TTC34: variants seen among roughly 807,000 people sequenced by gnomAD.
TTC34 encodes the protein tetratricopeptide repeat domain 34, also known as tetratricopeptide repeat protein 34.
In TTC34, 44 loss-of-function variants were observed where a neutral mutation model predicts 40.7. The ratio of observed to expected loss-of-function variants is 1.08; its 90% CI spans 0.85 to 1.39. TTC34 has a LOEUF of 1.39. TTC34 is among the 40% of genes most tolerant of loss of function. The pLI is 0.00. For missense variants in TTC34, 884 were observed against 838.0 expected (o/e 1.05, Z -0.68); for synonymous variants, 422 against 398.6 (o/e 1.06, Z -0.70).
At position 2,797,395 on chromosome 1, in the gene TTC34, G is replaced by T. The variant is rs148576548; in HGVS notation, c.784+2649C>A. The stretch of plus-strand genomic sequence containing the variant: ...GGTCCTGTCTGCTCCAGGATGCCTC[G>T]TGGCCCCACTTCCTGCCTCTGTCGG... On this transcript the variant is annotated intron_variant, in intron 2 of 8. Coordinates refer to ENST00000401095, the Ensembl canonical transcript of TTC34. 1.6e-3 allele frequency among the ~76,000 whole-genome samples: 248 copies of T among 152,278 alleles called. 1 individual carries two copies. Among genetic ancestry groups the T allele is most frequent in the African/African-American group, 5.7e-3 (236 of 41,546 alleles).
chr1:2,749,517 CCCAGATT>C (rs1641248683), intron 6 of TTC34, among the ~76,000 whole-genome samples: 1 of 81,346 alleles, frequency 1.2e-5, no homozygotes. Context: ...TGGAGCAGCA[CCCAGATT>C]CCCAGGCAAG....
chr1:2,799,037 G>A (rs1423345743), intron 2 of TTC34, among the ~76,000 whole-genome samples: 4 of 145,542 alleles, frequency 2.7e-5, no homozygotes, highest in African/African-American at 7.7e-5. Flanking sequence ...CAGCCCCCTA[G>A]CCTCCCAGCC....
chr1:2,683,240 A>T (rs1437737454), intron 6 of TTC34, among the ~76,000 whole-genome samples: 1 of 145,544 alleles, frequency 6.9e-6, no homozygotes, highest in Non-Finnish European at 1.5e-5. Context: ...CCCCCAAGTG[A>T]GCATCTGATG....
At chr1:2,768,522 T>A (rs1264303052) in intron 6 of TTC34, among the ~76,000 whole-genome samples, 4 of 151,536 alleles carry the variant, frequency 2.6e-5, no homozygotes, top group African/African-American at 9.7e-5. Flanking sequence ...TCTGACAGCC[T>A]GGAACAGCAC....
chr1:2,654,186 G>C (rs1485026817), intron 6 of TTC34, among the ~76,000 whole-genome samples: 46 of 147,546 alleles, frequency 3.1e-4, no homozygotes, highest in South Asian at 8.8e-4. Flanking sequence ...GCGAGCATCC[G>C]ACAGCCTGGA....
intron 6 of TTC34, among the ~76,000 whole-genome samples, chr1:2,673,841 A>C (rs1319438186): frequency 2.0e-4 from 5 of 25,122 alleles, no homozygotes; most frequent in African/African-American, 3.7e-4. Flanking sequence ...CCAACATCCC[A>C]AGGTGAGCAT....
Position 2,796,866 on chromosome 1 carries a change from G to A in TTC34, c.784+3178C>T, listed in dbSNP as rs1345274514. ...CTCACTTTGCAGCTCTCTCTAACTGGTTCCTGCCCCACCCTCTCGTTGGGG... is the reference window on the plus strand; with the variant it reads ...CTCACTTTGCAGCTCTCTCTAACTGATTCCTGCCCCACCCTCTCGTTGGGG... On this transcript the variant is annotated intron_variant, in intron 2 of 8. Transcript: ENST00000401095. The surrounding 1 kb of genome is among the most constrained non-coding windows in gnomAD (Gnocchi z 4.5). 6.6e-6 allele frequency among the ~76,000 whole-genome samples: 1 copy of A among 152,050 alleles called. No homozygotes were observed. The highest frequency in any genetic ancestry group is 1.5e-5 in the Non-Finnish European group (1 of 68,002).
At chr1:2,753,158 T>G (rs1407568749) in intron 6 of TTC34, among the ~76,000 whole-genome samples, 2 of 120,542 alleles carry the variant, frequency 1.7e-5, no homozygotes, top group African/African-American at 7.3e-5. Flanking sequence ...TCTGACGGCC[T>G]GGAACAGCAC....
rs1361521143 is a variant in TTC34 at position 2,752,729 on chromosome 1, T to G, written c.2226+30880A>C. 2.8e-4 allele frequency among the ~76,000 whole-genome samples: 28 copies of G among 101,478 alleles called. 3 individuals are homozygous for G. Among genetic ancestry groups the G allele is most frequent in the African/African-American group, 9.4e-4 (21 of 22,302 alleles). The allele number at this position is 101,478 out of a possible 152,430, so 66.6% of individuals were successfully genotyped here. The stretch of plus-strand genomic sequence containing the variant: ...CATCTGACAGCATGGAACAGCACCC[T>G]GCACCCCCAGGACAGCATCTGACAG... On this transcript the variant is annotated intron_variant, in intron 6 of 8. Coordinates refer to ENST00000401095, the Ensembl canonical transcript of TTC34.
Position 2,787,494 on chromosome 1 carries a change from T to C in TTC34, c.1841A>G (p.Tyr614Cys), listed in dbSNP as rs547131315. ...AGGCCTCCTCACCTGGTTGGCGTCA[T>C]AGAAGAAGCCCCTCCTCAGCTGCAG... The change falls in exon 4 of 9, where the codon TAT becomes TGT. Residue 614 changes from tyrosine (Y) to cysteine (C), a missense_variant. Tyr to Cys is a radical substitution (Grantham distance 194). Transcript: ENST00000401095. 2.5e-5 allele frequency: 37 copies of C among 1,490,858 alleles called. No individual in the cohort carries two copies. In the African/African-American group the frequency reaches 3.6e-4, roughly 15 times the overall value. The allele number at this position is 1,490,858 out of a possible 1,614,324, so 92.4% of individuals were successfully genotyped here. A position where few individuals can be genotyped will look rare whatever the true frequency, so the allele number is the denominator to read the frequency against.
intron 6 of TTC34, among the ~76,000 whole-genome samples, chr1:2,756,660 C>T (rs1641516025): frequency 8.6e-5 from 13 of 150,556 alleles, no homozygotes; most frequent in South Asian, 2.1e-4. Flanking sequence ...TGGAACAGCA[C>T]CCACACCCCC....
At chr1:2,683,347 T>C (rs77135792) in intron 6 of TTC34, among the ~76,000 whole-genome samples, 2 of 105,268 alleles carry the variant, frequency 1.9e-5, no homozygotes, top group African/African-American at 7.6e-5. Flanking sequence ...AACACCACCC[T>C]GCACCCCCAG....
intron 6 of TTC34, among the ~76,000 whole-genome samples, chr1:2,680,987 C>G (rs1214327581): frequency 3.0e-5 from 2 of 67,460 alleles, no homozygotes; most frequent in Admixed American, 1.3e-4. Flanking sequence ...CCCACACCCC[C>G]AGGTGAGCAT....
intron 6 of TTC34, among the ~76,000 whole-genome samples, chr1:2,648,993 G>A (rs769905481): frequency 6.6e-6 from 1 of 150,886 alleles, no homozygotes; most frequent in Non-Finnish European, 1.5e-5. Context: ...GCCTGGGAAT[G>A]CACCCCCACA....
chr1:2,674,752 C>A (rs1639832474), intron 6 of TTC34, among the ~76,000 whole-genome samples: 1 of 78,260 alleles, frequency 1.3e-5, no homozygotes, highest in East Asian at 2.7e-4. Context: ...CCTGGAGCAG[C>A]AACCACACTC....
intron 6 of TTC34, among the ~76,000 whole-genome samples, chr1:2,656,347 C>T (rs1212574570): frequency 6.7e-6 from 1 of 149,400 alleles, no homozygotes; most frequent in East Asian, 2.0e-4. Context: ...CCCAGGTGAG[C>T]ATCTGACAGC....
intron 6 of TTC34, among the ~76,000 whole-genome samples, chr1:2,694,992 C>A (rs111850032): frequency 1.1e-3 from 62 of 54,204 alleles, no homozygotes; most frequent in African/African-American, 2.4e-3. Flanking sequence ...GCACCCTGCA[C>A]CCCCAGGTGA....
exon 9 of TTC34, chr1:2,641,484 C>G (rs1406847230): frequency 2.0e-6 from 3 of 1,535,674 alleles, no homozygotes; most frequent in Non-Finnish European, 2.6e-6. Context: ...CAGGCCTCTG[C>G]GTGACGCTGC....
Position 2,781,013 on chromosome 1 carries a change from T to C in TTC34, c.2226+2596A>G, listed in dbSNP as rs182792995. On this transcript the variant is annotated intron_variant, in intron 6 of 8. Coordinates refer to ENST00000401095, the Ensembl canonical transcript of TTC34. ...CTAAGTATTTTATTCTTTTTAATTCTATTGTAGATGGAATTACAGTTGACT... is the reference window on the plus strand; with the variant it reads ...CTAAGTATTTTATTCTTTTTAATTCCATTGTAGATGGAATTACAGTTGACT... Among the ~76,000 whole-genome samples, 12 of 152,378 alleles carry C rather than the reference T, an allele frequency of 7.9e-5. No individual in the cohort carries two copies. The East Asian group carries it at 2.3e-3, about 29-fold the overall frequency.
Sources: gnomAD v4.1 joint callset for allele counts (sites outside exome capture counted in the v4.1 genomes callset) on GRCh38, gnomAD v4.1.1 for gene constraint, Gnocchi (gnomAD v3.1) non-coding constraint, MANE v1.5 for transcripts, NCBI Gene and HGNC (gene_info 2026-07-23, HGNC 2026-07-21) for gene names.